The following OR56A3 variants were observed in gnomAD, a reference collection of about 807,000 sequenced individuals.
The protein encoded by OR56A3 is olfactory receptor family 56 subfamily A member 3.
In OR56A3, 23 loss-of-function variants were observed where a neutral mutation model predicts 17.5. The observed-to-expected ratio is 1.32, with a 90% CI of 0.95 to 1.87. The LOEUF (loss-of-function observed/expected upper bound fraction) is 1.87. Ranked by LOEUF, OR56A3 falls within the 40% of genes most tolerant of loss-of-function variation. The probability of loss-of-function intolerance (pLI) is 0.00; values close to 1 mark genes in which losing one functional copy is unlikely to be tolerated. For missense variants in OR56A3, 366 were observed against 380.1 expected (o/e 0.96, Z 0.31); for synonymous variants, 175 against 150.6 (o/e 1.16, Z -1.19).
chr11:6,012,650 G>A, the OR56A3 span, among the ~76,000 whole-genome samples: 1 of 152,182 alleles, frequency 6.6e-6, no homozygotes, highest in South Asian at 2.1e-4. Flanking sequence ...GAGAGGAAGT[G>A]TGCATGACTG....
chr11:5,982,658 G>T, the OR56A3 span, among the ~76,000 whole-genome samples: 42 of 152,130 alleles, frequency 2.8e-4, no homozygotes, highest in African/African-American at 9.9e-4. Flanking sequence ...GCAAGCCTTG[G>T]GGGATGGGTG....
chr11:6,011,203 T>TA, the OR56A3 span, among the ~76,000 whole-genome samples: 43,390 of 112,218 alleles, frequency 0.39, 7,973 homozygotes, highest in East Asian at 0.78. Context: ...GGAGATTTAT[T>TA]TTATATATAT....
chr11:5,959,755 G>A, the OR56A3 span, among the ~76,000 whole-genome samples: 3 of 152,252 alleles, frequency 2.0e-5, no homozygotes, highest in Admixed American at 2.0e-4. Context: ...GATCAATGCT[G>A]TGGGATGTTT....
chr11:5,986,878 A>G, the OR56A3 span: 1 of 1,613,878 alleles, frequency 6.2e-7, no homozygotes. Context: ...TGAATTGCTA[A>G]GGAGCATTAT....
chr11:6,010,007 G>A, the OR56A3 span, among the ~76,000 whole-genome samples: 58,369 of 151,694 alleles, frequency 0.38, 11,650 homozygotes, highest in African/African-American at 0.48. Context: ...TCCATCTTTT[G>A]TAATTTGTCT....
the OR56A3 span, chr11:5,994,563 T>C: frequency 2.1e-6 from 2 of 974,654 alleles, no homozygotes; most frequent in Non-Finnish European, 3.3e-6. Flanking sequence ...TCGATCTCTG[T>C]CTCCAGCTGC....
the OR56A3 span, among the ~76,000 whole-genome samples, chr11:6,008,947 G>A: frequency 1.8e-4 from 27 of 151,304 alleles, no homozygotes; most frequent in African/African-American, 6.1e-4. Context: ...CATCTAATCC[G>A]AATATTAACC....
chr11:5,997,786 A>C, the OR56A3 span, among the ~76,000 whole-genome samples: 1 of 152,354 alleles, frequency 6.6e-6, no homozygotes, highest in East Asian at 1.9e-4. Context: ...AGTATCCATA[A>C]ACCGGGGTCA....
chr11:5,981,698 G>A, the OR56A3 span, among the ~76,000 whole-genome samples: 1 of 152,104 alleles, frequency 6.6e-6, no homozygotes, highest in Admixed American at 6.5e-5. Context: ...AACCATTGCT[G>A]GGAACTAGGT....
the OR56A3 span, among the ~76,000 whole-genome samples, chr11:5,958,844 C>A: frequency 6.6e-6 from 1 of 152,138 alleles, no homozygotes; most frequent in Non-Finnish European, 1.5e-5. Flanking sequence ...ACAAGATCAG[C>A]TTTTTTAGAT....
At chr11:5,984,304 T>G in the OR56A3 span, among the ~76,000 whole-genome samples, 1 of 152,236 alleles carries the variant, frequency 6.6e-6, no homozygotes, top group African/African-American at 2.4e-5. Context: ...ATGAAAAACG[T>G]ATACTTTTTA....
the OR56A3 span, among the ~76,000 whole-genome samples, chr11:6,005,568 CTT>C: frequency 0.012 from 1,842 of 152,298 alleles, 36 homozygotes; most frequent in African/African-American, 0.041. Flanking sequence ...TAGATGGTGT[CTT>C]AGACCACTTT....
chr11:5,987,613 A>G, the OR56A3 span, among the ~76,000 whole-genome samples: 1 of 152,098 alleles, frequency 6.6e-6, no homozygotes, highest in Non-Finnish European at 1.5e-5. Context: ...TGTTCTACTT[A>G]TGTTTTGGCA....
the OR56A3 span, among the ~76,000 whole-genome samples, chr11:5,981,497 T>C: frequency 6.6e-6 from 1 of 152,248 alleles, no homozygotes; most frequent in African/African-American, 2.4e-5. Flanking sequence ...GTAGTGAATT[T>C]TTCAGCTCTA....
the OR56A3 span, among the ~76,000 whole-genome samples, chr11:5,993,442 C>G: frequency 6.6e-6 from 1 of 152,202 alleles, no homozygotes; most frequent in Non-Finnish European, 1.5e-5. Context: ...CACCCTCACC[C>G]ATTTTTTTCA....
the OR56A3 span, chr11:6,017,117 A>T: frequency 3.9e-5 from 6 of 152,156 alleles, no homozygotes. Flanking sequence ...TGTAGGAAAA[A>T]AAAAAATTCT....
At chr11:6,014,989 C>CAAAAAA in the OR56A3 span, among the ~76,000 whole-genome samples, 179 of 35,200 alleles carry the variant, frequency 5.1e-3, 37 homozygotes, top group African/African-American at 0.01. Flanking sequence ...TATTCATGGG[C>CAAAAAA]AAAAAAAAAA....
chr11:5,961,072 C>G, the OR56A3 span, among the ~76,000 whole-genome samples: 14 of 151,942 alleles, frequency 9.2e-5, no homozygotes, highest in Non-Finnish European at 2.9e-5. Context: ...CACCCGGCAG[C>G]CGCCCCATCC....
the OR56A3 span, among the ~76,000 whole-genome samples, chr11:5,977,456 A>G: frequency 6.6e-6 from 1 of 152,112 alleles, no homozygotes. Context: ...CACTTCTTTA[A>G]TGGTTAGTGA....
Sources: allele counts gnomAD v4.1 joint callset (sites outside exome capture counted in the v4.1 genomes callset), GRCh38; gene constraint gnomAD v4.1.1; transcripts MANE v1.5; gene names NCBI Gene and HGNC (gene_info 2026-07-23, HGNC 2026-07-21).